The following LARP1B variants were observed in gnomAD, a reference collection of about 807,000 sequenced individuals.
LARP1B encodes the protein La ribonucleoprotein 1B.
In LARP1B, 76 loss-of-function variants were observed where a neutral mutation model predicts 114.2. The ratio of observed to expected loss-of-function variants is 0.67; its 90% confidence interval spans 0.55 to 0.81. LARP1B has a LOEUF of 0.81. Ranked by LOEUF, LARP1B falls within the 30% of genes least tolerant of loss-of-function variation. The pLI, the probability that LARP1B is intolerant of heterozygous loss-of-function variation, is 0.00. For missense variants in LARP1B, 1,014 were observed against 1,075.8 expected (o/e 0.94, Z 0.80); for synonymous variants, 345 against 348.0 (o/e 0.99, Z 0.10).
At chr4:128,106,931 TA>T (rs1385481740) in intron 8 of LARP1B, among the ~76,000 whole-genome samples, 2 of 152,212 alleles carry the variant, frequency 1.3e-5, no homozygotes, top group Non-Finnish European at 2.9e-5. Context: ...CATCTGAAGT[TA>T]AATAAGTGGG....
At chr4:128,203,421 T>G (rs1344992347) in intron 17 of LARP1B, among the ~76,000 whole-genome samples, 1 of 147,000 alleles carries the variant, frequency 6.8e-6, no homozygotes, top group Non-Finnish European at 1.5e-5. Flanking sequence ...TTGCCTAGGC[T>G]GGAGTGCAGT....
At chr4:128,127,227 T>G (rs1002703822) in intron 11 of LARP1B, among the ~76,000 whole-genome samples, 17 of 147,710 alleles carry the variant, frequency 1.2e-4, no homozygotes, top group African/African-American at 4.2e-4. Flanking sequence ...ATAAAAGTGA[T>G]TTTACCTATC....
chr4:128,195,846 A>C (rs1459328137), intron 15 of LARP1B, among the ~76,000 whole-genome samples: 1 of 152,232 alleles, frequency 6.6e-6, no homozygotes, highest in Non-Finnish European at 1.5e-5. Context: ...AAATTGACGA[A>C]ACTTTAGCTA....
At chr4:128,161,985 C>T (rs1738727754) in intron 11 of LARP1B, among the ~76,000 whole-genome samples, 1 of 151,990 alleles carries the variant, frequency 6.6e-6, no homozygotes, top group Non-Finnish European at 1.5e-5. Flanking sequence ...ATTATAAAAT[C>T]ATTATAATAT....
intron 15 of LARP1B, among the ~76,000 whole-genome samples, chr4:128,181,275 C>A (rs1489718489): frequency 6.6e-6 from 1 of 151,680 alleles, no homozygotes; most frequent in African/African-American, 2.4e-5. Flanking sequence ...CTTCCGGCTC[C>A]CAGGTTCAGG....
chr4:128,061,558 A>G (rs1363377232), intron 1 of LARP1B, 157 bp downstream of exon 1: 6 of 455,388 alleles, frequency 1.3e-5, no homozygotes, highest in African/African-American at 1.3e-4. Context: ...GGGCGGCGGC[A>G]GCGGCGGCCA....
At chr4:128,130,498 G>C (rs1791217331) in intron 11 of LARP1B, among the ~76,000 whole-genome samples, 1 of 152,222 alleles carries the variant, frequency 6.6e-6, no homozygotes, top group Non-Finnish European at 1.5e-5. Flanking sequence ...AGATACTACT[G>C]TAGATTCATT....
intron 11 of LARP1B, among the ~76,000 whole-genome samples, chr4:128,148,841 G>T (rs1731452559): frequency 6.6e-6 from 1 of 152,094 alleles, no homozygotes; most frequent in Non-Finnish European, 1.5e-5. Flanking sequence ...TGGCCTGGCT[G>T]GTCTCGAAGT....
At chr4:128,083,439 C>A (rs538642285) in intron 5 of LARP1B, among the ~76,000 whole-genome samples, 1 of 148,868 alleles carries the variant, frequency 6.7e-6, no homozygotes, top group African/African-American at 2.5e-5. Context: ...GCTGGCCGGG[C>A]AGGGGGCTGA....
Position 128,077,842 on chromosome 4 carries a change from G to C in LARP1B, c.97G>C (p.Glu33Gln), listed in dbSNP as rs1768611563. The C allele has an allele frequency of 6.2e-7, 1 of 1,610,792 alleles. No individual in the cohort carries two copies. Among genetic ancestry groups the C allele is most frequent in the Non-Finnish European group, 8.5e-7 (1 of 1,178,644 alleles). The change falls in exon 4 of 20, where the codon GAA becomes CAA. Residue 33 changes from glutamate (E) to glutamine (Q), a missense_variant. Physicochemically the swap from Glu to Gln is conservative, Grantham distance 29 (BLOSUM62 2). Transcript: ENST00000326639. ...NKKPQNRKEK[E>Q]EKVEKRSNSD... ...AAAGCCACAAAATAGAAAAGAAAAA[G>C]AAGAGAAGGTTGAAAAGAGAAGTAA...
At chr4:128,071,546 C>T (rs186932075) in intron 1 of LARP1B, among the ~76,000 whole-genome samples, 4 of 151,260 alleles carry the variant, frequency 2.6e-5, no homozygotes, top group African/African-American at 4.9e-5. Flanking sequence ...CTCAGCCTCC[C>T]GAGTAGCTGG....
At chr4:128,108,964 G>T (rs1002667240) in intron 9 of LARP1B, 3 of 352,886 alleles carry the variant, frequency 8.5e-6, no homozygotes, top group African/African-American at 6.6e-5. Context: ...CATATTGTCT[G>T]AAACAAGCCA....
At chr4:128,155,959 A>C in intron 11 of LARP1B, 1 of 1,528,172 alleles carries the variant, frequency 6.5e-7, no homozygotes, top group Middle Eastern at 2.2e-4. Flanking sequence ...CGGCACCAGC[A>C]GCCCGCCAGC....
exon 8 of LARP1B, chr4:128,222,510 C>A (rs1561600729): frequency 3.1e-6 from 1 of 322,022 alleles, no homozygotes; most frequent in South Asian, 2.4e-5. Flanking sequence ...TCTTACAAAC[C>A]ATATTTCTGT....
chr4:128,158,206 A>G (rs1736731378), intron 11 of LARP1B, among the ~76,000 whole-genome samples: 1 of 152,166 alleles, frequency 6.6e-6, no homozygotes, highest in African/African-American at 2.4e-5. Flanking sequence ...TCATAATCAT[A>G]GTGGGAGATT....
intron 11 of LARP1B, chr4:128,123,064 C>G (rs1788505698): frequency 3.0e-6 from 3 of 985,266 alleles, no homozygotes; most frequent in Non-Finnish European, 3.6e-6. Flanking sequence ...GGAAGAAAAG[C>G]TAGCCAATTA....
At chr4:128,093,036 G>A in intron 7 of LARP1B, 2 of 985,356 alleles carry the variant, frequency 2.0e-6, no homozygotes, top group African/African-American at 3.5e-5. Context: ...TCTAAGGTAG[G>A]ACTTGATGAT....
At chr4:128,067,010 G>A (rs1341649761) in intron 1 of LARP1B, among the ~76,000 whole-genome samples, 5 of 151,360 alleles carry the variant, frequency 3.3e-5, no homozygotes, top group Non-Finnish European at 4.4e-5. Flanking sequence ...GTTTTACCAC[G>A]TTGGCCAGGC....
chr4:128,210,037 G>A lies in LARP1B; in HGVS notation c.2729G>A (p.Ser910Asn). 1 of 1,614,052 alleles carries A rather than the reference G, an allele frequency of 6.2e-7. No homozygotes were observed. Among genetic ancestry groups the A allele is most frequent in the Non-Finnish European group, 8.5e-7 (1 of 1,179,962 alleles). The change falls in exon 20 of 20, where the codon AGT becomes AAT. Residue 910 changes from serine to asparagine, a missense_variant. Physicochemically the swap from Ser to Asn is conservative, Grantham distance 46 (BLOSUM62 1). Coordinates refer to ENST00000326639, the MANE Select transcript of LARP1B (RefSeq NM_018078.4). Reference sequence around the variant, plus strand: ...AGAAGGAATATTTCACCGGAGTCCAGTGACAATTCACATTAAACAGTGCTG... The same window carrying A: ...AGAAGGAATATTTCACCGGAGTCCAATGACAATTCACATTAAACAGTGCTG... ...SPRRNISPES[S>N]DNSH is the part of the protein sequence containing the mutation.
Sources: allele counts gnomAD v4.1 joint callset (sites outside exome capture counted in the v4.1 genomes callset), GRCh38; gene constraint gnomAD v4.1.1; transcripts MANE v1.5; gene names NCBI Gene and HGNC (gene_info 2026-07-23, HGNC 2026-07-21).